The following RAB21 variants were observed in gnomAD, a reference collection of about 807,000 sequenced individuals.
RAB21 encodes ras-related protein Rab-21.
A neutral mutation model predicts 33.1 loss-of-function variants in RAB21; 13 were observed. That is an observed-to-expected ratio of 0.39 (90% CI 0.26 to 0.62). RAB21 has a LOEUF of 0.62. Ranked by LOEUF, RAB21 falls within the 20% of genes least tolerant of loss-of-function variation. RAB21 has a pLI of 0.48. For synonymous variants in RAB21, 91 were observed against 103.7 expected (o/e 0.88, Z 0.74); for missense variants, 234 against 279.1 (o/e 0.84, Z 1.15).
rs1365835842 is a variant in RAB21, at chr12:71,788,127, A to C, written c.*2454A>C. The C allele has an allele frequency of 2.0e-5, 3 of 152,148 alleles. No individual in the cohort carries two copies. The highest frequency in any genetic ancestry group is 7.2e-5 in the African/African-American group (3 of 41,440). The allele number at this position is 152,148 out of a possible 1,614,324, so 9.4% of individuals were successfully genotyped here. A position where few individuals can be genotyped will look rare whatever the true frequency, so the allele number is the denominator to read the frequency against. The stretch of plus-strand genomic sequence containing the variant: ...CTGAGACCTCCATCTCGTAAAAGGC[A>C]CAAAAACTAGTTAGAGATGAAATTG... On this transcript the variant is annotated 3_prime_UTR_variant, in exon 7 of 7. Coordinates refer to ENST00000261263, the MANE Select transcript of RAB21 (RefSeq NM_014999.4).
At chr12:71,765,292 T>C (rs778513256) in intron 1 of RAB21, among the ~76,000 whole-genome samples, 3 of 152,196 alleles carry the variant, frequency 2.0e-5, no homozygotes, top group Non-Finnish European at 4.4e-5. Context: ...TTGCCCACTT[T>C]TTGATGGGGT....
intron 1 of RAB21, among the ~76,000 whole-genome samples, chr12:71,757,490 T>G (rs117112419): frequency 0.038 from 5,849 of 152,334 alleles, 174 homozygotes; most frequent in South Asian, 0.11. Context: ...TAAAGGTTTT[T>G]AAATATATGA....
chr12:71,765,191 A>G (rs866380741), intron 1 of RAB21, among the ~76,000 whole-genome samples: 57 of 152,138 alleles, frequency 3.7e-4, no homozygotes, highest in African/African-American at 1.3e-3. Context: ...TTTAATTTGC[A>G]TTTCCCTGAT....
rs1185244308 is a variant in RAB21, at chr12:71,792,598, ATG to A, written c.*6928_*6929del. On this transcript the variant is annotated 3_prime_UTR_variant, in exon 7 of 7. Transcript: ENST00000261263. ...AATTCAGAAAGCAGGTTAAGCATAT[ATG>A]TGAGTTTAATAATTGTTTCTGTATT... is the stretch of plus-strand genomic sequence containing the variant. The A allele has an allele frequency of 2.0e-5, 3 of 152,352 alleles. No individual in the cohort carries two copies. In the East Asian group the frequency reaches 5.8e-4, roughly 29 times the overall value. 9.4% of individuals were successfully genotyped at this position (152,352 alleles called of 1,614,324 possible).
Position 71,794,748 on chromosome 12 carries a change from AT to A in RAB21, c.*9078del, listed in dbSNP as rs1206900480. 1 of 146,218 alleles carries A rather than the reference AT, an allele frequency of 6.8e-6. No individual in the cohort carries two copies. The highest frequency in any genetic ancestry group is 1.5e-5 in the Non-Finnish European group (1 of 66,750). The allele number at this position is 146,218 out of a possible 1,614,324, so 9.1% of individuals were successfully genotyped here. On this transcript the variant is annotated 3_prime_UTR_variant, in exon 7 of 7. Transcript: ENST00000261263. ...CCACCGAGCCCAGCTATATTTATAA[AT>A]TTATATATATTTCATATATATATTA...
chr12:71,755,372 G>T, intron 1 of RAB21, 84 bp downstream of exon 1: 1 of 1,382,844 alleles, frequency 7.2e-7, no homozygotes, highest in Middle Eastern at 2.1e-4. Flanking sequence ...CTGGTCCCCT[G>T]GATGTAGGCT....
chr12:71,791,337 G>A lies in RAB21; in HGVS notation c.*5664G>A, dbSNP rs1883379652. 1 of 152,030 alleles carries A rather than the reference G, an allele frequency of 6.6e-6. No homozygotes were observed. Among genetic ancestry groups the A allele is most frequent in the African/African-American group, 2.4e-5 (1 of 41,382 alleles). The allele number at this position is 152,030 out of a possible 1,614,324, so 9.4% of individuals were successfully genotyped here. A position where few individuals can be genotyped will look rare whatever the true frequency, so the allele number is the denominator to read the frequency against. On this transcript the variant is annotated 3_prime_UTR_variant, in exon 7 of 7. Coordinates refer to ENST00000261263, the MANE Select transcript of RAB21 (RefSeq NM_014999.4). ...CAAGCCAATGCTTAGACAGAATCAG[G>A]GTCTGCTTTAAGCATGTGAATCAGG...
intron 1 of RAB21, among the ~76,000 whole-genome samples, chr12:71,756,054 G>C (rs745407232): frequency 2.4e-4 from 37 of 152,326 alleles, no homozygotes; most frequent in Non-Finnish European, 3.1e-4. Context: ...CCAGGCCTTT[G>C]AGGGAGTTGT....
chr12:71,764,202 TTG>T (rs1882924721), intron 1 of RAB21, among the ~76,000 whole-genome samples: 1 of 152,160 alleles, frequency 6.6e-6, no homozygotes, highest in Admixed American at 6.5e-5. Context: ...TACGTGGGAA[TTG>T]TTTTTAGTAT....
In RAB21 at chr12:71,767,185, A is replaced by C. The variant is rs140151020; in HGVS notation, c.160-2615A>C. On this transcript the variant is annotated intron_variant, in intron 1 of 6. Transcript: ENST00000261263. Reference sequence around the variant, plus strand: ...TTCATTGTTTTTGTTTTTCTATATAATCAGTGTTGTCATGTGTACCCTTTC... The same window carrying C: ...TTCATTGTTTTTGTTTTTCTATATACTCAGTGTTGTCATGTGTACCCTTTC... 2.0e-3 allele frequency among the ~76,000 whole-genome samples: 305 copies of C among 152,260 alleles called. 8 individuals are homozygous for C. Among genetic ancestry groups the C allele is most frequent in the Admixed American group, 0.018 (269 of 15,286 alleles).
chr12:71,773,862 A>T (rs1181258215), intron 3 of RAB21, 97 bp from the exon 4 acceptor site: 1 of 793,656 alleles, frequency 1.3e-6, no homozygotes, highest in East Asian at 2.7e-5. Flanking sequence ...GACTCTTAAA[A>T]TTCTGAGGTA....
At chr12:71,766,162 T>C (rs1882957699) in intron 1 of RAB21, among the ~76,000 whole-genome samples, 1 of 152,178 alleles carries the variant, frequency 6.6e-6, no homozygotes, top group Non-Finnish European at 1.5e-5. Flanking sequence ...TATACCTGCA[T>C]TGATTTACCT....
At chr12:71,755,634 C>T (rs1050994428) in intron 1 of RAB21, among the ~76,000 whole-genome samples, 2 of 152,212 alleles carry the variant, frequency 1.3e-5, no homozygotes, top group Non-Finnish European at 2.9e-5. Context: ...ATGTTAGCTC[C>T]TTTTCTTTCT....
In RAB21 at chr12:71,791,662, T is replaced by G. The variant is rs900720781; in HGVS notation, c.*5989T>G. 1 of 152,238 alleles carries G rather than the reference T, an allele frequency of 6.6e-6. No homozygotes were observed. The highest frequency in any genetic ancestry group is 2.4e-5 in the African/African-American group (1 of 41,464). 9.4% of individuals were successfully genotyped at this position (152,238 alleles called of 1,614,324 possible). On this transcript the variant is annotated 3_prime_UTR_variant, in exon 7 of 7. Transcript: ENST00000261263. ...TATAGAGTAAAAACAAAAGTTCCTT[T>G]TTAGATCTCCCTTCCCTCATCATCC... is the stretch of plus-strand genomic sequence containing the variant.
rs1481540344 is a variant in RAB21, at chr12:71,795,211, A to G, written c.*9538A>G. On this transcript the variant is annotated 3_prime_UTR_variant, in exon 7 of 7. Transcript: ENST00000261263. ...GAAATAAAAATGAGCAAGATTTGTG[A>G]TTCAGAATATTAAAAGTTAAGAATC... The G allele has an allele frequency of 2.6e-5, 4 of 152,228 alleles. No individual in the cohort carries two copies. Among genetic ancestry groups the G allele is most frequent in the Non-Finnish European group, 5.9e-5 (4 of 68,038 alleles). 9.4% of individuals were successfully genotyped at this position (152,228 alleles called of 1,614,324 possible). A position where few individuals can be genotyped will look rare whatever the true frequency, so the allele number is the denominator to read the frequency against.
Position 71,773,948 on chromosome 12 carries a change from T to G in RAB21, c.328-11T>G. The G allele has an allele frequency of 6.4e-7, 1 of 1,571,636 alleles. No homozygotes were observed. On this transcript the variant is annotated splice_polypyrimidine_tract_variant and intron_variant, in intron 3 of 6. Coordinates refer to ENST00000261263, the MANE Select transcript of RAB21 (RefSeq NM_014999.4). ...GGATTTGTTTTAATATGTGCTCTTT[T>G]GTATATACAGGTAAAAAACTGGGTC...
intron 4 of RAB21, among the ~76,000 whole-genome samples, chr12:71,781,119 A>C (rs1883192067): frequency 6.6e-6 from 1 of 152,192 alleles, no homozygotes; most frequent in Non-Finnish European, 1.5e-5. Context: ...TTAAATCTGC[A>C]TGATATACAT....
chr12:71,763,769 T>C lies in RAB21; in HGVS notation c.160-6031T>C, dbSNP rs768044170. Among the ~76,000 whole-genome samples, 6 of 152,178 alleles carry C rather than the reference T, an allele frequency of 3.9e-5. No homozygotes were observed. The South Asian group carries it at 1.2e-3, about 32-fold the overall frequency. On this transcript the variant is annotated intron_variant, in intron 1 of 6. Transcript: ENST00000261263. Reference sequence around the variant, plus strand: ...TACTTTGTGCCTACCCTGAGAATATTTGGGGAGGTTAGGGTCCAAGAACAC... The same window carrying C: ...TACTTTGTGCCTACCCTGAGAATATCTGGGGAGGTTAGGGTCCAAGAACAC...
At chr12:71,778,855 G>GT (rs1007725135) in intron 4 of RAB21, among the ~76,000 whole-genome samples, 1 of 152,228 alleles carries the variant, frequency 6.6e-6, no homozygotes, top group African/African-American at 2.4e-5. Flanking sequence ...GGTAGAGTGC[G>GT]TTACCTGCAA....
Sources: gnomAD v4.1 joint callset for allele counts (sites outside exome capture counted in the v4.1 genomes callset) on GRCh38, gnomAD v4.1.1 for gene constraint, MANE v1.5 for transcripts, NCBI Gene and HGNC (gene_info 2026-07-23, HGNC 2026-07-21) for gene names.